The following EBF2 variants were observed in gnomAD, a reference collection of about 807,000 sequenced individuals.
The protein encoded by EBF2 is EBF transcription factor 2, also known as transcription factor COE2.
Under a neutral mutation model 72.8 loss-of-function variants are expected in EBF2, and 21 were observed. That is an observed-to-expected ratio of 0.29 (90% CI 0.20 to 0.42). EBF2 has a LOEUF of 0.42. EBF2 is among the 10% of genes least tolerant of loss of function. The probability of loss-of-function intolerance (pLI) is 1.00; values close to 1 mark genes in which losing one functional copy is unlikely to be tolerated. For missense variants in EBF2, 637 were observed against 731.2 expected (o/e 0.87, Z 1.49); for synonymous variants, 299 against 274.2 (o/e 1.09, Z -0.89).
chr8:26,017,608 T>A (rs1805132529), intron 6 of EBF2, among the ~76,000 whole-genome samples: 1 of 152,116 alleles, frequency 6.6e-6, no homozygotes, highest in African/African-American at 2.4e-5. Context: ...GTCCGCTTGC[T>A]TTTACCGGCC....
intron 6 of EBF2, among the ~76,000 whole-genome samples, chr8:25,940,664 G>A (rs1055460874): frequency 2.6e-5 from 4 of 151,434 alleles, no homozygotes; most frequent in Admixed American, 6.6e-5. Flanking sequence ...AAGGCTTGGA[G>A]CAGTCATCTT....
intron 14 of EBF2, among the ~76,000 whole-genome samples, chr8:25,857,371 A>G (rs1044066565): frequency 8.5e-5 from 13 of 152,160 alleles, no homozygotes; most frequent in Admixed American, 7.9e-4. Context: ...TGACATGTCA[A>G]TTCTGAAGCT....
At chr8:25,983,653 C>A (rs1343478132) in intron 6 of EBF2, among the ~76,000 whole-genome samples, 3 of 152,186 alleles carry the variant, frequency 2.0e-5, no homozygotes, top group African/African-American at 7.2e-5. Flanking sequence ...CCAGCATTCA[C>A]CCCAGCCGGC....
intron 6 of EBF2, among the ~76,000 whole-genome samples, chr8:25,927,733 T>C (rs1803409228): frequency 6.6e-6 from 1 of 152,154 alleles, no homozygotes; most frequent in South Asian, 2.1e-4. Context: ...TATTTGTATA[T>C]ATCATGCTAA....
At chr8:25,959,891 G>A (rs940699514) in intron 6 of EBF2, among the ~76,000 whole-genome samples, 4 of 152,190 alleles carry the variant, frequency 2.6e-5, no homozygotes, top group African/African-American at 9.7e-5. Context: ...ATACTTAAAG[G>A]ACTAGGTAGT....
intron 7 of EBF2, among the ~76,000 whole-genome samples, chr8:25,904,982 T>C (rs1471358247): frequency 6.6e-6 from 1 of 152,024 alleles, no homozygotes; most frequent in African/African-American, 2.4e-5. Context: ...TATAAAGAAC[T>C]CTTACAGCTC....
intron 6 of EBF2, among the ~76,000 whole-genome samples, chr8:25,926,783 C>G (rs1278602838): frequency 6.6e-6 from 1 of 152,200 alleles, no homozygotes; most frequent in East Asian, 1.9e-4. Context: ...TTTGAAAGTA[C>G]ATTCGAGAGT....
intron 14 of EBF2, among the ~76,000 whole-genome samples, chr8:25,855,889 C>T (rs886064528): frequency 2.8e-4 from 42 of 152,196 alleles, no homozygotes; most frequent in African/African-American, 7.5e-4. Context: ...GAGGTTTTCT[C>T]CCGTCTCTCT....
intron 6 of EBF2, among the ~76,000 whole-genome samples, chr8:26,006,479 G>A (rs1228096849): frequency 6.6e-6 from 1 of 152,116 alleles, no homozygotes; most frequent in Admixed American, 6.5e-5. Flanking sequence ...TGCTATTCTA[G>A]ATAATAAGCA....
At position 26,040,037 on chromosome 8, in the gene EBF2, A is replaced by G. The variant is rs2117265477; in HGVS notation, c.473T>C (p.Val158Ala). 1 of 1,613,628 alleles carries G rather than the reference A, an allele frequency of 6.2e-7. No homozygotes were observed. The highest frequency in any genetic ancestry group is 8.5e-7 in the Non-Finnish European group (1 of 1,179,848). The change falls in exon 5 of 16, where the codon GTG becomes GCG. Residue 158 changes from valine to alanine, a missense_variant. Coordinates refer to ENST00000520164, the MANE Select transcript of EBF2 (RefSeq NM_022659.4). ...AAAAGGCGGCTCTTACCTACACATC[A>G]CTTCGTGCGTCAGGAGAACTCGGCA... is the stretch of plus-strand genomic sequence containing the variant. ...EMCRVLLTHE[V>A]MCSRCCEKKS...
chr8:25,972,572 A>G (rs1804207747), intron 6 of EBF2, among the ~76,000 whole-genome samples: 1 of 152,158 alleles, frequency 6.6e-6, no homozygotes, highest in African/African-American at 2.4e-5. Flanking sequence ...CTGTCAGAGC[A>G]AAAAAAGGAT....
At chr8:26,009,997 G>C (rs969531566) in intron 6 of EBF2, among the ~76,000 whole-genome samples, 4 of 152,210 alleles carry the variant, frequency 2.6e-5, no homozygotes, top group African/African-American at 9.7e-5. Flanking sequence ...AAATGGATGA[G>C]AGATACTGCC....
At chr8:25,872,584 G>A (rs781407211) in intron 10 of EBF2, among the ~76,000 whole-genome samples, 5 of 152,138 alleles carry the variant, frequency 3.3e-5, no homozygotes, top group Admixed American at 6.5e-5. Flanking sequence ...ACAGCCCACA[G>A]AACTAGAGGA....
At chr8:25,920,900 G>T (rs1803297903) in intron 6 of EBF2, among the ~76,000 whole-genome samples, 1 of 151,298 alleles carries the variant, frequency 6.6e-6, no homozygotes, top group Non-Finnish European at 1.5e-5. Context: ...CTTTTTTTAT[G>T]TGCTACCTAA....
chr8:25,984,478 T>C (rs1012702838), intron 6 of EBF2, among the ~76,000 whole-genome samples: 1 of 151,856 alleles, frequency 6.6e-6, no homozygotes, highest in African/African-American at 2.4e-5. Context: ...AGGTCAGGAG[T>C]TCGAGAACAG....
intron 6 of EBF2, among the ~76,000 whole-genome samples, chr8:26,022,744 G>A (rs1805223849): frequency 6.6e-6 from 1 of 152,108 alleles, no homozygotes; most frequent in South Asian, 2.1e-4. Context: ...GCCTTCACTG[G>A]AAATTTTGAG....
chr8:25,967,352 C>T (rs1251795025), intron 6 of EBF2, among the ~76,000 whole-genome samples: 1 of 152,122 alleles, frequency 6.6e-6, no homozygotes, highest in African/African-American at 2.4e-5. Context: ...GGGGTTATAT[C>T]CCAATAAATT....
At chr8:25,910,166 G>A (rs913365245) in intron 6 of EBF2, among the ~76,000 whole-genome samples, 5 of 152,186 alleles carry the variant, frequency 3.3e-5, no homozygotes, top group African/African-American at 4.8e-5. Flanking sequence ...CGTTAGAAAG[G>A]AGAATTGCTT....
intron 6 of EBF2, among the ~76,000 whole-genome samples, chr8:26,027,917 T>C (rs1427012892): frequency 6.6e-6 from 1 of 152,150 alleles, no homozygotes; most frequent in Non-Finnish European, 1.5e-5. Flanking sequence ...GTCAACTTCA[T>C]AGAGACATTA....
Sources: allele counts gnomAD v4.1 joint callset (sites outside exome capture counted in the v4.1 genomes callset), GRCh38; gene constraint gnomAD v4.1.1; transcripts MANE v1.5; gene names NCBI Gene and HGNC (gene_info 2026-07-23, HGNC 2026-07-21).